The following GALNT2 variants were observed in gnomAD, a reference collection of about 807,000 sequenced individuals.
GALNT2 encodes the protein UDP-GalNAc:polypeptide N-acetylgalactosaminyltransferase 2.
Under a neutral mutation model 81.4 loss-of-function variants are expected in GALNT2, and 31 were observed. The ratio of observed to expected loss-of-function variants is 0.38; its 90% CI spans 0.29 to 0.51. GALNT2 has a LOEUF of 0.51. GALNT2 is among the 20% of genes least tolerant of loss of function. GALNT2 has a pLI of 0.87. For synonymous variants in GALNT2, 303 were observed against 287.4 expected (o/e 1.05, Z -0.55); for missense variants, 629 against 765.7 (o/e 0.82, Z 2.11).
rs143893953 is a variant in GALNT2 at position 230,115,500 on chromosome 1, C to T, written c.126+48094C>T. Among the ~76,000 whole-genome samples the T allele has an allele frequency of 2.1e-3, 313 of 152,288 alleles. 1 individual carries two copies. Among genetic ancestry groups the T allele is most frequent in the Non-Finnish European group, 3.8e-3 (256 of 68,018 alleles). ...AGTAGCCTTATGCCTAAACAATGTA[C>T]GGATCTTAATTTTAAAATATTTTAT... On this transcript the variant is annotated intron_variant, in intron 1 of 15. Transcript: ENST00000366672.
intron 1 of GALNT2, among the ~76,000 whole-genome samples, chr1:230,168,978 T>C (rs925031164): frequency 6.6e-6 from 1 of 152,250 alleles, no homozygotes; most frequent in Non-Finnish European, 1.5e-5. Flanking sequence ...TAGACTTTCC[T>C]TTTTTGTTAT....
intron 1 of GALNT2, among the ~76,000 whole-genome samples, chr1:230,074,451 C>T (rs924418334): frequency 2.0e-5 from 3 of 152,196 alleles, no homozygotes; most frequent in Non-Finnish European, 1.5e-5. Context: ...CCTCTCCCCA[C>T]TAGATGCCAG....
At chr1:230,069,661 TTAGACAC>T (rs1659314338) in intron 1 of GALNT2, among the ~76,000 whole-genome samples, 1 of 152,062 alleles carries the variant, frequency 6.6e-6, no homozygotes, top group Non-Finnish European at 1.5e-5. Flanking sequence ...TTCCATGGAT[TTAGACAC>T]TAGAAGTGTC....
rs986728608 is a variant in GALNT2 at position 230,208,890 on chromosome 1, G to A, written c.374+5600G>A. Among the ~76,000 whole-genome samples, 3 of 152,056 alleles carry A rather than the reference G, an allele frequency of 2.0e-5. 1 individual carries two copies. Among genetic ancestry groups the A allele is most frequent in the Non-Finnish European group, 2.9e-5 (2 of 68,008 alleles). ...AGGATCGGGGGTTGTTAGAATACCC[G>A]TGGGGTGCTCCTGGCATTTACCACC... On this transcript the variant is annotated intron_variant, in intron 3 of 15. Coordinates refer to ENST00000366672, the MANE Select transcript of GALNT2 (RefSeq NM_004481.5).
chr1:230,156,623 T>G (rs1207345077), intron 1 of GALNT2, among the ~76,000 whole-genome samples: 5 of 152,254 alleles, frequency 3.3e-5, no homozygotes, highest in Non-Finnish European at 5.9e-5. Context: ...TATCACATTT[T>G]CTGCAGTTAA....
intron 1 of GALNT2, among the ~76,000 whole-genome samples, chr1:230,134,589 G>T (rs1661478294): frequency 6.6e-6 from 1 of 152,190 alleles, no homozygotes; most frequent in Admixed American, 6.5e-5. Context: ...CAGGAGGAGG[G>T]TATCCAACCC....
upstream of GALNT2, among the ~76,000 whole-genome samples, chr1:230,064,412 C>T (rs1033477002): frequency 6.6e-6 from 1 of 152,222 alleles, no homozygotes; most frequent in African/African-American, 2.4e-5. Flanking sequence ...CTCTAAGATT[C>T]CTCATGAAAG....
At chr1:230,099,163 C>T (rs1423732785) in intron 1 of GALNT2, among the ~76,000 whole-genome samples, 4 of 152,200 alleles carry the variant, frequency 2.6e-5, no homozygotes, top group South Asian at 2.1e-4. Context: ...GTAGGTATCA[C>T]GCTCCATGTG....
At chr1:230,153,183 T>TTATC (rs1369342406) in intron 1 of GALNT2, among the ~76,000 whole-genome samples, 1 of 152,230 alleles carries the variant, frequency 6.6e-6, no homozygotes, top group Non-Finnish European at 1.5e-5. Context: ...CTTATCTCAG[T>TTATC]CTGTGGAGTA....
At chr1:230,091,456 G>A (rs1297899827) in intron 1 of GALNT2, 1 of 152,118 alleles carries the variant, frequency 6.6e-6, no homozygotes, top group African/African-American at 2.4e-5. Flanking sequence ...ATCTGTCTGA[G>A]GAATCTTGAT....
intron 10 of GALNT2, among the ~76,000 whole-genome samples, chr1:230,254,149 GTTTC>G (rs1251456788): frequency 6.6e-6 from 1 of 152,144 alleles, no homozygotes; most frequent in African/African-American, 2.4e-5. Flanking sequence ...TGTTGAATCT[GTTTC>G]TTGCATTCAG....
chr1:230,165,972 A>G (rs1465846359), intron 1 of GALNT2, among the ~76,000 whole-genome samples: 7 of 152,306 alleles, frequency 4.6e-5, no homozygotes, highest in Admixed American at 4.6e-4. Flanking sequence ...CTGTGGAAAG[A>G]CCACTGTTTT....
At chr1:230,076,796 T>C (rs1230277767) in intron 1 of GALNT2, among the ~76,000 whole-genome samples, 1 of 152,156 alleles carries the variant, frequency 6.6e-6, no homozygotes, top group East Asian at 1.9e-4. Context: ...GTGCGTCCAG[T>C]GTACTTCTGG....
At chr1:230,162,741 A>G (rs1271542426) in intron 1 of GALNT2, among the ~76,000 whole-genome samples, 1 of 152,222 alleles carries the variant, frequency 6.6e-6, no homozygotes, top group Non-Finnish European at 1.5e-5. Context: ...ACTCCATTCC[A>G]GAGAGGGTCT....
At chr1:230,244,080 T>C (rs1479839449) in intron 7 of GALNT2, among the ~76,000 whole-genome samples, 1 of 151,596 alleles carries the variant, frequency 6.6e-6, no homozygotes, top group East Asian at 2.0e-4. Context: ...TCCTTCCTAC[T>C]AAGAAAGCAC....
intron 1 of GALNT2, among the ~76,000 whole-genome samples, chr1:230,068,751 G>A (rs763120714): frequency 1.3e-5 from 2 of 152,192 alleles, no homozygotes; most frequent in Non-Finnish European, 2.9e-5. Flanking sequence ...GTTTTATCTA[G>A]AAGGGCAGAA....
At chr1:230,143,678 T>A (rs1483428189) in intron 1 of GALNT2, among the ~76,000 whole-genome samples, 1 of 152,238 alleles carries the variant, frequency 6.6e-6, no homozygotes, top group African/African-American at 2.4e-5. Flanking sequence ...ACGCTCTTAT[T>A]AAAGCATTGA....
chr1:230,236,810 GC>G, intron 6 of GALNT2, 85 bp downstream of exon 6: 1 of 1,327,702 alleles, frequency 7.5e-7, no homozygotes, highest in Non-Finnish European at 1.0e-6. Context: ...AGCTCAAAGA[GC>G]AATTAATTGT....
At position 230,070,208 on chromosome 1, in the gene GALNT2, G is replaced by A. The variant is rs777206550; in HGVS notation, c.126+2802G>A. 9.9e-5 allele frequency among the ~76,000 whole-genome samples: 15 copies of A among 152,158 alleles called. No homozygotes were observed. Among genetic ancestry groups the A allele is most frequent in the African/African-American group, 3.4e-4 (14 of 41,420 alleles). ...GTTAAAGCAGTTTATTCAAAATATTGTTTAAAATTATGTTTCATTTACATT... is the reference window on the plus strand; with the variant it reads ...GTTAAAGCAGTTTATTCAAAATATTATTTAAAATTATGTTTCATTTACATT... On this transcript the variant is annotated intron_variant, in intron 1 of 15. Transcript: ENST00000366672. The surrounding 1 kb of genome is among the most constrained non-coding windows in gnomAD (Gnocchi z 4.7).
Sources: allele counts gnomAD v4.1 joint callset (sites outside exome capture counted in the v4.1 genomes callset), GRCh38; gene constraint gnomAD v4.1.1; non-coding constraint Gnocchi (gnomAD v3.1); transcripts MANE v1.5; gene names NCBI Gene and HGNC (gene_info 2026-07-23, HGNC 2026-07-21).